AQP3: variants seen among roughly 807,000 people sequenced by gnomAD.
AQP3 encodes aquaporin 3 (Gill blood group).
Under a neutral mutation model 30.3 loss-of-function variants are expected in AQP3, and 15 were observed. That is an observed-to-expected ratio of 0.49 (90% CI 0.33 to 0.76). The LOEUF (loss-of-function observed/expected upper bound fraction) is 0.76. Among genes scored for constraint, AQP3 ranks in the 30% least tolerant of loss-of-function variants. The probability of loss-of-function intolerance (pLI) is 0.02; values close to 1 mark genes in which losing one functional copy is unlikely to be tolerated. For missense variants in AQP3, 272 were observed against 384.8 expected, an observed-to-expected ratio of 0.71 and a Z score of 2.45; for synonymous variants, 153 against 163.2, an observed-to-expected ratio of 0.94 and a Z score of 0.47.
Position 33,443,558 on chromosome 9 carries a change from A to T in AQP3, c.236-100T>A, listed in dbSNP as rs1310697543. ...TGCAGAGAGGGGTTTCTTGCACAGG[A>T]TGGCGGTTGGTCTATGTAACAGGTC... is the stretch of plus-strand genomic sequence containing the variant. On this transcript the variant is annotated intron_variant, in intron 2 of 5. Transcript: ENST00000297991. The surrounding 1 kb of genome is among the most constrained non-coding windows in gnomAD (Gnocchi z 5.0). The T allele has an allele frequency of 4.0e-6, 6 of 1,508,898 alleles. No individual in the cohort carries two copies. The South Asian group carries it at 7.1e-5, about 18-fold the overall frequency. The allele number at this position is 1,508,898 out of a possible 1,614,324, so 93.5% of individuals were successfully genotyped here. A position where few individuals can be genotyped will look rare whatever the true frequency, so the allele number is the denominator to read the frequency against.
chr9:33,444,760 A>G (rs10813981), intron 1 of AQP3, among the ~76,000 whole-genome samples: 92,097 of 151,700 alleles, frequency 0.61, 28,631 homozygotes, highest in East Asian at 0.71. Context: ...GTCCCCCTCA[A>G]CAACCTCCCC....
At chr9:33,444,613 A>AG (rs1443524437) in intron 1 of AQP3, among the ~76,000 whole-genome samples, 1 of 151,848 alleles carries the variant, frequency 6.6e-6, no homozygotes, top group Non-Finnish European at 1.5e-5. Context: ...AAAAAAAAAA[A>AG]AAGAGTTGAA....
chr9:33,443,788 G>A lies in AQP3; in HGVS notation c.213C>T (p.Ile71=), dbSNP rs759102395. Residue 71 remains isoleucine (I), a synonymous_variant, in exon 2 of 6, where the codon ATC becomes ATT. Coordinates refer to ENST00000297991, the MANE Select transcript of AQP3 (RefSeq NM_004925.5). This position sits in a 1 kb window ranked among gnomAD's most constrained non-coding sequence, Gnocchi z 5.0. ...LAFGFAVTLG[I]LIAGQVSGAH... is the part of the protein sequence containing the mutation. ...TACCAGAGACCTGGCCAGCGATGAG[G>A]ATGCCCAGAGTGACAGCAAAGCCAA... 6.2e-7 allele frequency: 1 copy of A among 1,614,038 alleles called. No individual in the cohort carries two copies. Among genetic ancestry groups the A allele is most frequent in the Non-Finnish European group, 8.5e-7 (1 of 1,179,984 alleles).
At position 33,441,688 on chromosome 9, in the gene AQP3, C is replaced by A. The variant is rs1826833663; in HGVS notation, c.*355G>T. On this transcript the variant is annotated 3_prime_UTR_variant, in exon 6 of 6. Coordinates refer to ENST00000297991, the MANE Select transcript of AQP3 (RefSeq NM_004925.5). Reference sequence around the variant, plus strand: ...AGAATCCCTTCCGACTGGTCCCTTGCCCTGAATATCTGGGAACCCCCCCCA... The same window carrying A: ...AGAATCCCTTCCGACTGGTCCCTTGACCTGAATATCTGGGAACCCCCCCCA... 4.8e-6 allele frequency: 2 copies of A among 415,536 alleles called. No homozygotes were observed. The highest frequency in any genetic ancestry group is 8.2e-6 in the Non-Finnish European group (2 of 243,460). 25.7% of individuals were successfully genotyped at this position (415,536 alleles called of 1,614,324 possible). A position where few individuals can be genotyped will look rare whatever the true frequency, so the allele number is the denominator to read the frequency against.
chr9:33,446,123 A>G (rs1826909833), intron 1 of AQP3, among the ~76,000 whole-genome samples: 1 of 152,194 alleles, frequency 6.6e-6, no homozygotes, highest in African/African-American at 2.4e-5. Context: ...GCTCTAAAAC[A>G]GGTGGCTGGA....
At chr9:33,447,299 TG>T in intron 1 of AQP3, 123 bp downstream of exon 1, 2 of 841,810 alleles carry the variant, frequency 2.4e-6, no homozygotes, top group Non-Finnish European at 4.0e-6. Context: ...CGGTTAAGCG[TG>T]GGGGTCACAG....
At position 33,443,941 on chromosome 9, in the gene AQP3, C is replaced by T. The variant is rs368881537; in HGVS notation, c.109-49G>A. The T allele has an allele frequency of 3.8e-6, 6 of 1,598,894 alleles. No individual in the cohort carries two copies. In the African/African-American group the frequency reaches 6.7e-5, roughly 18 times the overall value. On this transcript the variant is annotated intron_variant, in intron 1 of 5. Coordinates refer to ENST00000297991, the MANE Select transcript of AQP3 (RefSeq NM_004925.5). The surrounding 1 kb of genome is among the most constrained non-coding windows in gnomAD (Gnocchi z 5.0). ...GGAGGGTGAGGACCAGCAACTCTCA[C>T]TCCAGAAGGAAGGGGTGAAGCCAGC...
chr9:33,442,727 G>T, intron 4 of AQP3, 125 bp downstream of exon 4: 2 of 1,128,078 alleles, frequency 1.8e-6, no homozygotes, highest in Non-Finnish European at 2.7e-6. Flanking sequence ...GTTCTGATGC[G>T]GGTTACCCCA....
At chr9:33,444,912 C>T (rs1462553395) in intron 1 of AQP3, among the ~76,000 whole-genome samples, 2 of 152,146 alleles carry the variant, frequency 1.3e-5, no homozygotes, top group South Asian at 2.1e-4. Flanking sequence ...CAGCCCGGGA[C>T]CCAGGGCTGT....
chr9:33,443,494 C>A lies in AQP3; in HGVS notation c.236-36G>T, dbSNP rs772967421. 1.2e-6 allele frequency: 2 copies of A among 1,605,204 alleles called. No individual in the cohort carries two copies. The highest frequency in any genetic ancestry group is 1.7e-6 in the Non-Finnish European group (2 of 1,176,152). On this transcript the variant is annotated intron_variant, in intron 2 of 5. Coordinates refer to ENST00000297991, the MANE Select transcript of AQP3 (RefSeq NM_004925.5). This position sits in a 1 kb window ranked among gnomAD's most constrained non-coding sequence, Gnocchi z 5.0. ...GGGACAAGGGACCTATTAGCTGCAG[C>A]CTGCCACAGTCGGCAGGCTAGGGTC...
intron 1 of AQP3, among the ~76,000 whole-genome samples, chr9:33,445,850 G>A (rs1405251909): frequency 3.9e-5 from 6 of 152,112 alleles, no homozygotes; most frequent in African/African-American, 1.4e-4. Flanking sequence ...CACTACAAAG[G>A]GATCCCCAGG....
At chr9:33,445,122 C>T (rs568748607) in intron 1 of AQP3, among the ~76,000 whole-genome samples, 1 of 152,298 alleles carries the variant, frequency 6.6e-6, no homozygotes, top group South Asian at 2.1e-4. Context: ...CATAGTGAGA[C>T]TTTGTCTCTA....
intron 1 of AQP3, 113 bp downstream of exon 1, chr9:33,447,310 G>T: frequency 1.1e-6 from 1 of 950,570 alleles, no homozygotes; most frequent in Non-Finnish European, 1.7e-6. Flanking sequence ...GGGGGTCACA[G>T]CTGGGGAGGT....
chr9:33,445,029 G>T (rs1464458859), intron 1 of AQP3, among the ~76,000 whole-genome samples: 1 of 152,174 alleles, frequency 6.6e-6, no homozygotes, highest in Non-Finnish European at 1.5e-5. Flanking sequence ...GCCAGCTGTG[G>T]TGGCTCACAC....
intron 1 of AQP3, among the ~76,000 whole-genome samples, chr9:33,444,587 G>C (rs183056743): frequency 1.0e-4 from 15 of 147,092 alleles, no homozygotes; most frequent in African/African-American, 3.5e-4. Context: ...GCGACAGAGC[G>C]GGACTCCATC....
At position 33,442,530 on chromosome 9, in the gene AQP3, G is replaced by A. The variant is rs1587197659; in HGVS notation, c.493-12C>T. 1 of 1,595,030 alleles carries A rather than the reference G, an allele frequency of 6.3e-7. No homozygotes were observed. The highest frequency in any genetic ancestry group is 8.5e-7 in the Non-Finnish European group (1 of 1,171,190). Reference sequence around the variant, plus strand: ...GCTGTGCCTATGAACTGGGGAGTGGGGAGAACAGGGTGAGCTGCAGCTCCC... The same window carrying A: ...GCTGTGCCTATGAACTGGGGAGTGGAGAGAACAGGGTGAGCTGCAGCTCCC... On this transcript the variant is annotated splice_polypyrimidine_tract_variant and intron_variant, in intron 4 of 5. Coordinates refer to ENST00000297991, the MANE Select transcript of AQP3 (RefSeq NM_004925.5).
chr9:33,441,820 C>T lies in AQP3; in HGVS notation c.*223G>A, dbSNP rs779459633. ...TTGGGAGACAAAAGGATGTATTGACCCAAATTCCGGTTCCACCCCAGCTTA... is the reference window on the plus strand; with the variant it reads ...TTGGGAGACAAAAGGATGTATTGACTCAAATTCCGGTTCCACCCCAGCTTA... On this transcript the variant is annotated 3_prime_UTR_variant, in exon 6 of 6. Coordinates refer to ENST00000297991, the MANE Select transcript of AQP3 (RefSeq NM_004925.5). 1 of 687,122 alleles carries T rather than the reference C, an allele frequency of 1.5e-6. No homozygotes were observed. Among genetic ancestry groups the T allele is most frequent in the Non-Finnish European group, 2.5e-6 (1 of 403,046 alleles). 42.6% of individuals were successfully genotyped at this position (687,122 alleles called of 1,614,324 possible).
chr9:33,443,544 G>A lies in AQP3; in HGVS notation c.236-86C>T. ...CCCCTGAGAAGGGGTGCAGAGAGGG[G>A]TTTCTTGCACAGGATGGCGGTTGGT... On this transcript the variant is annotated intron_variant, in intron 2 of 5. Coordinates refer to ENST00000297991, the MANE Select transcript of AQP3 (RefSeq NM_004925.5). The surrounding 1 kb of genome is among the most constrained non-coding windows in gnomAD (Gnocchi z 5.0). 2.0e-6 allele frequency: 3 copies of A among 1,535,714 alleles called. No homozygotes were observed. Among genetic ancestry groups the A allele is most frequent in the Non-Finnish European group, 2.7e-6 (3 of 1,129,790 alleles).
At chr9:33,443,000 G>A (rs2231230) in intron 3 of AQP3, 30 bp from the exon 4 acceptor site, 16,293 of 1,590,562 alleles carry the variant, frequency 0.01, 100 homozygotes, top group Non-Finnish European at 0.012. Flanking sequence ...ACAGTGAGTC[G>A]GGGGAGAGGC....
Sources: allele counts gnomAD v4.1 joint callset (sites outside exome capture counted in the v4.1 genomes callset), GRCh38; gene constraint gnomAD v4.1.1; non-coding constraint Gnocchi (gnomAD v3.1); transcripts MANE v1.5; gene names NCBI Gene and HGNC (gene_info 2026-07-23, HGNC 2026-07-21).